SRD5A2: variants seen among roughly 807,000 people sequenced by gnomAD.
The protein encoded by SRD5A2 is 3-oxo-5-alpha-steroid 4-dehydrogenase 2.
A neutral mutation model predicts 27.4 loss-of-function variants in SRD5A2; 30 were observed. The observed-to-expected ratio is 1.10, with a 90% confidence interval of 0.82 to 1.49. The LOEUF (loss-of-function observed/expected upper bound fraction) is 1.49, where lower values mean the gene tolerates loss of function less well. Among genes scored for constraint, SRD5A2 ranks in the 40% most tolerant of loss-of-function variants. The pLI is 0.00. For missense variants in SRD5A2, 348 were observed against 323.4 expected (o/e 1.08, Z -0.58); for synonymous variants, 141 against 133.6 (o/e 1.06, Z -0.38).
intron 2 of SRD5A2, 115 bp downstream of exon 2, chr2:31,533,488 G>A (rs1052882815): frequency 1.5e-5 from 14 of 918,524 alleles, no homozygotes; most frequent in East Asian, 2.7e-5. Context: ...AGAGGTGAGG[G>A]AGGGGAAGAT....
the SRD5A2 span, among the ~76,000 whole-genome samples, chr2:31,650,915 A>G: frequency 6.6e-6 from 1 of 152,168 alleles, no homozygotes; most frequent in Non-Finnish European, 1.5e-5. Flanking sequence ...AGGTGGCAGA[A>G]GCTGGGATCA....
the SRD5A2 span, among the ~76,000 whole-genome samples, chr2:31,621,740 G>T: frequency 6.6e-6 from 1 of 151,984 alleles, no homozygotes; most frequent in Non-Finnish European, 1.5e-5. Context: ...CAAGCCATCT[G>T]CCTGCCTCAG....
chr2:31,553,676 C>A (rs577804755), intron 1 of SRD5A2, among the ~76,000 whole-genome samples: 1 of 152,252 alleles, frequency 6.6e-6, no homozygotes, highest in East Asian at 1.9e-4. Flanking sequence ...TAGGTCCACA[C>A]CACAGAATAC....
In SRD5A2 at chr2:31,580,907, G is replaced by A. The variant is rs1324065592; in HGVS notation, c.-7C>T. On this transcript the variant is annotated 5_prime_UTR_variant, in exon 1 of 5. It adds an upstream start codon to the 5' untranslated region. Transcript: ENST00000622030. ...GCTGGCACTGAACCTGCATCGCGCCGTGTTCCTCGCCGGTGGCCGCTGCCC... is the reference window on the plus strand; with the variant it reads ...GCTGGCACTGAACCTGCATCGCGCCATGTTCCTCGCCGGTGGCCGCTGCCC... The A allele has an allele frequency of 6.3e-7, 1 of 1,591,014 alleles. No individual in the cohort carries two copies.
chr2:31,627,091 G>T, the SRD5A2 span, among the ~76,000 whole-genome samples: 2 of 152,208 alleles, frequency 1.3e-5, no homozygotes, highest in East Asian at 3.9e-4. Flanking sequence ...TCTTGGGTGG[G>T]TGTATGTGTC....
chr2:31,640,561 C>T, the SRD5A2 span, among the ~76,000 whole-genome samples: 1 of 152,118 alleles, frequency 6.6e-6, no homozygotes, highest in Non-Finnish European at 1.5e-5. Context: ...CTTAAGCTCA[C>T]ATTTGCCACG....
upstream of SRD5A2, chr2:31,580,952 C>T (rs558013447): frequency 1.2e-4 from 184 of 1,550,506 alleles, 1 homozygote; most frequent in South Asian, 2.0e-3. Context: ...AGAGCGCGGC[C>T]CCCGCAACCC....
the SRD5A2 span, among the ~76,000 whole-genome samples, chr2:31,622,038 G>A: frequency 1.3e-5 from 2 of 152,122 alleles, no homozygotes; most frequent in East Asian, 3.9e-4. Context: ...AAGTGCCATG[G>A]TGGTTTGCTG....
the SRD5A2 span, among the ~76,000 whole-genome samples, chr2:31,641,715 A>G: frequency 6.6e-6 from 1 of 152,136 alleles, no homozygotes; most frequent in Non-Finnish European, 1.5e-5. Context: ...GAGAAAAGCT[A>G]TATATAATCA....
chr2:31,624,785 C>A, the SRD5A2 span, among the ~76,000 whole-genome samples: 1 of 152,078 alleles, frequency 6.6e-6, no homozygotes, highest in Non-Finnish European at 1.5e-5. Context: ...GGTTCCAAGT[C>A]TTTGCTATTG....
intron 2 of SRD5A2, among the ~76,000 whole-genome samples, chr2:31,532,494 C>A (rs895445422): frequency 1.3e-5 from 2 of 152,006 alleles, no homozygotes; most frequent in African/African-American, 4.8e-5. Context: ...CATGCACTAT[C>A]CACTGGTACA....
At chr2:31,629,154 G>T in the SRD5A2 span, among the ~76,000 whole-genome samples, 1 of 152,110 alleles carries the variant, frequency 6.6e-6, no homozygotes, top group Non-Finnish European at 1.5e-5. Flanking sequence ...CCATGGAGAA[G>T]GTTTGTCCTA....
intron 1 of SRD5A2, among the ~76,000 whole-genome samples, chr2:31,543,753 C>T (rs1284709933): frequency 6.6e-6 from 1 of 151,968 alleles, no homozygotes. Flanking sequence ...AAGAAAATAG[C>T]TATAGAATAT....
intron 1 of SRD5A2, among the ~76,000 whole-genome samples, chr2:31,572,907 A>C (rs1392439719): frequency 6.6e-6 from 1 of 152,188 alleles, no homozygotes; most frequent in East Asian, 1.9e-4. Flanking sequence ...AAAGAAATTG[A>C]AAGAGGCCCA....
the SRD5A2 span, among the ~76,000 whole-genome samples, chr2:31,626,411 A>C: frequency 1.3e-5 from 2 of 152,142 alleles, no homozygotes; most frequent in South Asian, 4.1e-4. Flanking sequence ...GGGAGTGGTG[A>C]GAGAGGGCGG....
rs769436494 is a variant in SRD5A2, at chr2:31,533,732, G to C, written c.316C>G (p.Pro106Ala). ...CTGAGAATGAGTATAGCTGGATAAG[G>C]CCTCCCTCGATTGAGCAGTGAGTAC... ...FVYSLLNRGR[P>A]YPAILILRGT... Residue 106 changes from proline (P) to alanine (A), a missense_variant, in exon 2 of 5, where the codon CCT (proline) becomes GCT (alanine). Coordinates refer to ENST00000622030, the MANE Select transcript of SRD5A2 (RefSeq NM_000348.4). 1.9e-6 allele frequency: 3 copies of C among 1,602,758 alleles called. No individual in the cohort carries two copies. The highest frequency in any genetic ancestry group is 2.6e-6 in the Non-Finnish European group (3 of 1,174,650).
the SRD5A2 span, among the ~76,000 whole-genome samples, chr2:31,608,832 A>G: frequency 6.6e-6 from 1 of 152,170 alleles, no homozygotes; most frequent in South Asian, 2.1e-4. Context: ...ATTGTTAGAA[A>G]TCATACTGCC....
At chr2:31,587,906 AG>A in the SRD5A2 span, among the ~76,000 whole-genome samples, 1 of 152,198 alleles carries the variant, frequency 6.6e-6, no homozygotes, top group Admixed American at 6.5e-5. Flanking sequence ...CAGAACTTAA[AG>A]TAGAATTTTT....
intron 1 of SRD5A2, among the ~76,000 whole-genome samples, chr2:31,549,608 G>A (rs1666343345): frequency 6.6e-6 from 1 of 152,126 alleles, no homozygotes; most frequent in East Asian, 1.9e-4. Flanking sequence ...TTCAGATAAA[G>A]TAGACTCTGA....
Sources: gnomAD v4.1 joint callset for allele counts (sites outside exome capture counted in the v4.1 genomes callset) on GRCh38, gnomAD v4.1.1 for gene constraint, MANE v1.5 for transcripts, NCBI Gene and HGNC (gene_info 2026-07-23, HGNC 2026-07-21) for gene names.